PRUNE2: variants seen among roughly 807,000 people sequenced by gnomAD.
PRUNE2 encodes prune homolog 2 with BCH domain, also known as protein prune homolog 2.
Under a neutral mutation model 252.0 loss-of-function variants are expected in PRUNE2, and 164 were observed. The observed-to-expected ratio is 0.65, with a 90% CI of 0.57 to 0.74. The LOEUF (loss-of-function observed/expected upper bound fraction) is 0.74. Among genes scored for constraint, PRUNE2 ranks in the 30% least tolerant of loss-of-function variants. The pLI is 0.00. For synonymous variants in PRUNE2, 1,292 were observed against 1,350.2 expected (o/e 0.96, Z 0.94); for missense variants, 3,495 against 3,711.0 (o/e 0.94, Z 1.51).
intron 1 of PRUNE2, among the ~76,000 whole-genome samples, chr9:76,874,292 CAAT>C (rs1292277302): frequency 2.0e-5 from 3 of 152,062 alleles, no homozygotes; most frequent in African/African-American, 7.2e-5. Flanking sequence ...CACTGGAAAA[CAAT>C]AATAATGATA....
Position 76,710,154 on chromosome 9 carries a change from C to T in PRUNE2, c.2120G>A (p.Ser707Asn). 3 of 1,613,878 alleles carry T rather than the reference C, an allele frequency of 1.9e-6. No individual in the cohort carries two copies. The highest frequency in any genetic ancestry group is 1.1e-5 in the South Asian group (1 of 91,058). Residue 707 changes from serine (S) to asparagine (N), a missense_variant, in exon 8 of 19, where the codon AGC becomes AAC. Ser to Asn is a conservative substitution (Grantham distance 46). Transcript: ENST00000376718. Reference sequence around the variant, plus strand: ...GGGACCTGACTTTGTAAATTCGAGGCTCTTTGGTTGAAATACAGAATCTGA... The same window carrying T: ...GGGACCTGACTTTGTAAATTCGAGGTTCTTTGGTTGAAATACAGAATCTGA... ...RASDSVFQPK[S>N]LEFTKSGPWE... is the part of the protein sequence containing the mutation.
intron 1 of PRUNE2, among the ~76,000 whole-genome samples, chr9:76,882,929 C>G (rs778328783): frequency 5.9e-5 from 9 of 152,150 alleles, no homozygotes; most frequent in Non-Finnish European, 1.3e-4. Flanking sequence ...GGCAGGAGGG[C>G]TGCAACCAAG....
intron 6 of PRUNE2, among the ~76,000 whole-genome samples, chr9:76,820,521 T>C (rs1041136920): frequency 1.1e-4 from 17 of 152,198 alleles, no homozygotes; most frequent in African/African-American, 4.1e-4. Flanking sequence ...GAAAATTAAC[T>C]GGGTCATCAG....
chr9:76,705,463 G>T lies in PRUNE2; in HGVS notation c.6811C>A (p.Pro2271Thr), dbSNP rs371935379. The T allele has an allele frequency of 1.5e-5, 24 of 1,613,776 alleles. No homozygotes were observed. The African/African-American group carries it at 2.1e-4, about 14-fold the overall frequency. ...PGARALFDGD[P>T]HLSTENPALV... ...GCAGGATTCTCTGTGGATAAATGTG[G>T]ATCACCATCAAACAAAGCTCTTGCA... Residue 2271 changes from proline (P) to threonine (T), a missense_variant, in exon 8 of 19, where the codon CCA becomes ACA. Physicochemically the swap from Pro to Thr is conservative, Grantham distance 38. Coordinates refer to ENST00000376718, the MANE Select transcript of PRUNE2 (RefSeq NM_015225.3).
At chr9:76,654,963 T>C (rs1848671489) in intron 10 of PRUNE2, among the ~76,000 whole-genome samples, 1 of 152,168 alleles carries the variant, frequency 6.6e-6, no homozygotes, top group African/African-American at 2.4e-5. Flanking sequence ...TTCCTTTTTG[T>C]GTATGCCTTG....
chr9:76,837,313 G>A (rs990472459), intron 4 of PRUNE2, among the ~76,000 whole-genome samples: 5 of 152,004 alleles, frequency 3.3e-5, no homozygotes, highest in Admixed American at 1.3e-4. Context: ...GTGGTGGCGG[G>A]CACCTGCAGT....
At position 76,708,243 on chromosome 9, in the gene PRUNE2, A is replaced by T. The variant is rs1564107611; in HGVS notation, c.4031T>A (p.Val1344Glu). The T allele has an allele frequency of 6.2e-7, 1 of 1,613,556 alleles. No homozygotes were observed. The highest frequency in any genetic ancestry group is 8.5e-7 in the Non-Finnish European group (1 of 1,179,814). ...TDRGHLDEEE[V>E]IASGVENASG... ...GGCATTCTCCACACCAGAGGCGATCACCTCCTCTTCATCAAGGTGCCCCCT... is the reference window on the plus strand; with the variant it reads ...GGCATTCTCCACACCAGAGGCGATCTCCTCCTCTTCATCAAGGTGCCCCCT... Residue 1344 changes from valine (V) to glutamate (E), a missense_variant, in exon 8 of 19, where the codon GTG becomes GAG. By Grantham distance (121) the Val-to-Glu change is moderately radical. Coordinates refer to ENST00000376718, the MANE Select transcript of PRUNE2 (RefSeq NM_015225.3).
Position 76,807,078 on chromosome 9 carries a change from C to T in PRUNE2, c.756+16554G>A, listed in dbSNP as rs149335338. 5.1e-3 allele frequency among the ~76,000 whole-genome samples: 771 copies of T among 151,108 alleles called. 30 individuals carry two copies. Among genetic ancestry groups the T allele is most frequent in the Admixed American group, 0.043 (650 of 15,174 alleles). On this transcript the variant is annotated intron_variant, in intron 6 of 18. Transcript: ENST00000376718. ...CGCGCGCGCGTGTGTCTGTCTCTCT[C>T]TCTTAGACAGGGTCTTGCTTTGTTG...
intron 9 of PRUNE2, among the ~76,000 whole-genome samples, chr9:76,661,963 A>G (rs1204959056): frequency 6.6e-6 from 1 of 152,070 alleles, no homozygotes; most frequent in Non-Finnish European, 1.5e-5. Flanking sequence ...ATATTCTCTG[A>G]CTTCGGGGCC....
rs369587782 is a variant in PRUNE2 at position 76,711,221 on chromosome 9, T to C, written c.1053A>G (p.Glu351=). 10 of 1,613,818 alleles carry C rather than the reference T, an allele frequency of 6.2e-6. No homozygotes were observed. Among genetic ancestry groups the C allele is most frequent in the Admixed American group, 1.7e-5 (1 of 59,994 alleles). ...TCDQVVLVVK[E]VINRRCPEMV... is the part of the protein sequence containing the mutation. ...TCTCTGGACACCTCCTGTTGATGAC[T>C]TCCTTGACAACGAGAACCACCTGAT... is the stretch of plus-strand genomic sequence containing the variant. The change falls in exon 8 of 19, where the codon GAA becomes GAG. Residue 351 remains glutamate, a synonymous_variant. Coordinates refer to ENST00000376718, the MANE Select transcript of PRUNE2 (RefSeq NM_015225.3).
chr9:76,691,805 G>A (rs1259559874), intron 9 of PRUNE2, among the ~76,000 whole-genome samples: 2 of 152,104 alleles, frequency 1.3e-5, no homozygotes, highest in African/African-American at 4.8e-5. Flanking sequence ...GCTGTGCAAA[G>A]TCTGTTTCCT....
At position 76,737,967 on chromosome 9, in the gene PRUNE2, T is replaced by C. The variant is rs531131570; in HGVS notation, c.757-24246A>G. On this transcript the variant is annotated intron_variant, in intron 6 of 18. Coordinates refer to ENST00000376718, the MANE Select transcript of PRUNE2 (RefSeq NM_015225.3). ...AGCAGTGATTAAAACATACAGAGCC[T>C]AAGACTTCTTCTTTTAAGAGACTTT... 2.6e-5 allele frequency: 4 copies of C among 152,378 alleles called. No individual in the cohort carries two copies. In the East Asian group the frequency reaches 7.7e-4, roughly 29 times the overall value. 9.4% of individuals were successfully genotyped at this position (152,378 alleles called of 1,614,324 possible).
At chr9:76,750,465 GC>G (rs1377662078) in intron 6 of PRUNE2, among the ~76,000 whole-genome samples, 3 of 152,160 alleles carry the variant, frequency 2.0e-5, no homozygotes, top group African/African-American at 7.2e-5. Flanking sequence ...ACATTTGGTG[GC>G]CAGAAGTACA....
intron 12 of PRUNE2, among the ~76,000 whole-genome samples, chr9:76,643,683 G>A (rs1327718738): frequency 6.6e-6 from 1 of 152,188 alleles, no homozygotes; most frequent in African/African-American, 2.4e-5. Context: ...CCATGGCCAG[G>A]GCCAGGGACT....
In PRUNE2 at chr9:76,904,234, C is replaced by CT. The variant is rs143159423; in HGVS notation, c.36+1693dup. On this transcript the variant is annotated intron_variant, in intron 1 of 18. Transcript: ENST00000376718. Reference sequence around the variant, plus strand: ...CAAACAACCGCTTCTCTTTCCTGTCCTTTTTTTTTTAATGATGTAGAGCAA... The same window carrying CT: ...CAAACAACCGCTTCTCTTTCCTGTCCTTTTTTTTTTTAATGATGTAGAGCAA... Among the ~76,000 whole-genome samples the CT allele has an allele frequency of 3.2e-3, 474 of 146,114 alleles. 1 individual carries two copies. The highest frequency in any genetic ancestry group is 4.1e-3 in the Non-Finnish European group (270 of 66,048).
At chr9:76,636,972 A>AGTGTGTGT (rs367745600) in intron 14 of PRUNE2, among the ~76,000 whole-genome samples, 42,711 of 131,190 alleles carry the variant, frequency 0.33, 7,531 homozygotes, top group Admixed American at 0.42. Context: ...CAACAACAAA[A>AGTGTGTGT]ATGTGTGTGT....
At chr9:76,743,185 T>C (rs748147393) in intron 6 of PRUNE2, among the ~76,000 whole-genome samples, 1 of 152,224 alleles carries the variant, frequency 6.6e-6, no homozygotes, top group Non-Finnish European at 1.5e-5. Context: ...CATGTGGAAC[T>C]GTAAGTCAAT....
intron 9 of PRUNE2, among the ~76,000 whole-genome samples, chr9:76,686,777 T>C (rs619874): frequency 0.47 from 72,120 of 152,110 alleles, 20,433 homozygotes; most frequent in Non-Finnish European, 0.61. Context: ...AAAAGTTTTT[T>C]GGTAGAGATG....
At chr9:76,837,861 T>G (rs2059129249) in intron 4 of PRUNE2, among the ~76,000 whole-genome samples, 1 of 150,748 alleles carries the variant, frequency 6.6e-6, no homozygotes, top group African/African-American at 2.5e-5. Context: ...AAGCTCTGCC[T>G]CCTGGGTTCA....
Sources: allele counts gnomAD v4.1 joint callset (sites outside exome capture counted in the v4.1 genomes callset), GRCh38; gene constraint gnomAD v4.1.1; transcripts MANE v1.5; gene names NCBI Gene and HGNC (gene_info 2026-07-23, HGNC 2026-07-21).